Variants in COL18A1 observed in about 807,000 individuals in gnomAD.
COL18A1 encodes the protein collagen type XVIII alpha 1 chain, also known as collagen alpha-1(XVIII) chain.
Under a neutral mutation model 168.0 loss-of-function variants are expected in COL18A1, and 133 were observed. The ratio of observed to expected loss-of-function variants is 0.79; its 90% CI spans 0.69 to 0.91. The LOEUF (loss-of-function observed/expected upper bound fraction) is 0.91, where lower values mean the gene tolerates loss of function less well. Ranked by LOEUF, COL18A1 falls within the 40% of genes least tolerant of loss-of-function variation. The pLI is 0.00. For synonymous variants in COL18A1, 949 were observed against 809.0 expected, an observed-to-expected ratio of 1.17 and a Z score of -2.94; for missense variants, 2,126 against 1,925.4, an observed-to-expected ratio of 1.10 and a Z score of -1.95.
chr21:45,455,920 C>T (rs762210408), intron 2 of COL18A1: 3 of 1,613,106 alleles, frequency 1.9e-6, no homozygotes, highest in African/African-American at 1.3e-5. Context: ...TGTGGAATGA[C>T]ACTGTCCCCA....
At position 45,491,231 on chromosome 21, in the gene COL18A1, C is replaced by G. The variant is rs2036330016; in HGVS notation, c.2074C>G (p.Pro692Ala). The stretch of plus-strand genomic sequence containing the variant: ...GCGTGGCCTCCTCTTCCAGGGAGAT[C>G]CAGGGAAGGACGGAGTCGGGCAGCC... Reference protein sequence around the residue: ...DRGSRGEKGDPGKDGVGQPGL... With the variant: ...DRGSRGEKGDAGKDGVGQPGL... Residue 692 changes from proline (P) to alanine (A), a missense_variant, in exon 22 of 42, where the codon CCA becomes GCA. Coordinates refer to ENST00000651438, the MANE Select transcript of COL18A1 (RefSeq NM_001379500.1). 2 of 1,611,918 alleles carry G rather than the reference C, an allele frequency of 1.2e-6. No homozygotes were observed. The highest frequency in any genetic ancestry group is 1.7e-6 in the Non-Finnish European group (2 of 1,179,274).
intron 2 of COL18A1, among the ~76,000 whole-genome samples, chr21:45,410,381 G>T (rs545621531): frequency 3.3e-5 from 5 of 152,200 alleles, no homozygotes; most frequent in African/African-American, 1.2e-4. Context: ...AGGCTTGCGA[G>T]TGGGCACACG....
In COL18A1 at chr21:45,496,565, C is replaced by A; in HGVS notation, c.2574C>A (p.Ser858Arg). 2 of 1,449,448 alleles carry A rather than the reference C, an allele frequency of 1.4e-6. No homozygotes were observed. Among genetic ancestry groups the A allele is most frequent in the Non-Finnish European group, 1.9e-6 (2 of 1,030,924 alleles). 89.8% of individuals were successfully genotyped at this position (1,449,448 alleles called of 1,614,324 possible). A position where few individuals can be genotyped will look rare whatever the true frequency, so the allele number is the denominator to read the frequency against. The change falls in exon 30 of 42, where the codon AGC becomes AGA. Residue 858 changes from serine (S) to arginine (R), a missense_variant. Physicochemically the swap from Ser to Arg is moderately radical, Grantham distance 110. Coordinates refer to ENST00000651438, the MANE Select transcript of COL18A1 (RefSeq NM_001379500.1). ...CTCCAGGGACTCCTGTTTACGACAG[C>A]AATGTAAGTCCCCAGGGCACCCACT... ...PGPPGTPVYD[S>R]NVFAESSRPG...
At chr21:45,503,674 A>G (rs965792907) in intron 32 of COL18A1, among the ~76,000 whole-genome samples, 18 of 150,534 alleles carry the variant, frequency 1.2e-4, no homozygotes, top group Non-Finnish European at 2.4e-4. Flanking sequence ...ATTGGGAGAT[A>G]TACCTAATGC....
Position 45,482,780 on chromosome 21 carries a change from C to T in COL18A1, c.1675-15C>T. The T allele has an allele frequency of 2.5e-6, 4 of 1,614,226 alleles. No individual in the cohort carries two copies. The highest frequency in any genetic ancestry group is 3.4e-6 in the Non-Finnish European group (4 of 1,180,040). On this transcript the variant is annotated splice_polypyrimidine_tract_variant and intron_variant, in intron 14 of 41. Coordinates refer to ENST00000651438, the MANE Select transcript of COL18A1 (RefSeq NM_001379500.1). ...CAAGTCTGATTTTGTCATAATCCTG[C>T]TCTTTTCCGTACAGGGTGAAGCAGG...
intron 2 of COL18A1, among the ~76,000 whole-genome samples, chr21:45,441,368 G>GAC (rs1451368820): frequency 1.3e-5 from 2 of 152,182 alleles, no homozygotes; most frequent in Non-Finnish European, 2.9e-5. Flanking sequence ...GAAGATGAGG[G>GAC]ACAGCACAGA....
At chr21:45,510,975 A>AACC in intron 40 of COL18A1, 136 bp from the exon 41 acceptor site, 1 of 34,726 alleles carries the variant, frequency 2.9e-5, no homozygotes, top group Non-Finnish European at 5.7e-5. Flanking sequence ...ACCCCCAAAC[A>AACC]CCCCCCACAC....
At chr21:45,490,183 C>T in intron 19 of COL18A1, 92 bp from the exon 20 acceptor site, 2 of 1,070,058 alleles carry the variant, frequency 1.9e-6, no homozygotes, top group South Asian at 1.4e-5. Flanking sequence ...CAGGCCATCG[C>T]CACGTCCACG....
chr21:45,495,961 CATAT>C, intron 29 of COL18A1: 1 of 333,496 alleles, frequency 3.0e-6, no homozygotes, highest in Non-Finnish European at 5.9e-6. Flanking sequence ...TGCACACATA[CATAT>C]ACACATGCAT....
chr21:45,489,548 C>G, intron 19 of COL18A1, 27 bp downstream of exon 19: 1 of 1,546,016 alleles, frequency 6.5e-7, no homozygotes, highest in Middle Eastern at 1.7e-4. Flanking sequence ...GGTTCAGGGA[C>G]GTGGCCAGGC....
At position 45,497,664 on chromosome 21, in the gene COL18A1, G is replaced by T; in HGVS notation, c.2683+3G>T. On this transcript the variant is annotated splice_donor_region_variant and intron_variant, in intron 32 of 41. Transcript: ENST00000651438. ...AGTGGGCCCCCCCGGACCACCAGGT[G>T]AGCAACTCTGGACATCCCAGGCAGG... 1 of 1,564,872 alleles carries T rather than the reference G, an allele frequency of 6.4e-7. No individual in the cohort carries two copies. Among genetic ancestry groups the T allele is most frequent in the East Asian group, 2.4e-5 (1 of 42,044 alleles).
In COL18A1 at chr21:45,431,679, G is replaced by T. The variant is rs183045519; in HGVS notation, c.106+26206G>T. 4.4e-4 allele frequency among the ~76,000 whole-genome samples: 67 copies of T among 152,134 alleles called. 1 individual carries two copies. Among genetic ancestry groups the T allele is most frequent in the Admixed American group, 4.1e-3 (62 of 15,296 alleles). On this transcript the variant is annotated intron_variant, in intron 2 of 41. Transcript: ENST00000651438. Reference sequence around the variant, plus strand: ...CCGGAAAGTGGTGATGTTCTGGAGGGCCCAGCAGACCCCAAGGCCCCCAAG... The same window carrying T: ...CCGGAAAGTGGTGATGTTCTGGAGGTCCCAGCAGACCCCAAGGCCCCCAAG...
At chr21:45,411,556 C>T (rs936317869) in intron 2 of COL18A1, among the ~76,000 whole-genome samples, 1 of 152,128 alleles carries the variant, frequency 6.6e-6, no homozygotes, top group Admixed American at 6.5e-5. Context: ...CTCAGACGCC[C>T]ACAGTCTGGA....
At chr21:45,480,436 G>A in intron 11 of COL18A1, 31 bp from the exon 12 acceptor site, 1 of 1,614,072 alleles carries the variant, frequency 6.2e-7, no homozygotes, top group Non-Finnish European at 8.5e-7. Context: ...CCGAGCTCAG[G>A]GCAACGTGTC....
At chr21:45,493,315 G>A in intron 25 of COL18A1, 90 bp downstream of exon 25, 1 of 1,439,342 alleles carries the variant, frequency 6.9e-7, no homozygotes, top group South Asian at 1.2e-5. Flanking sequence ...GAGGGACCTG[G>A]GACCCCCCGG....
intron 2 of COL18A1, among the ~76,000 whole-genome samples, chr21:45,434,798 G>A (rs1602372928): frequency 6.6e-6 from 1 of 152,236 alleles, no homozygotes; most frequent in African/African-American, 2.4e-5. Context: ...GCAGCCCCCA[G>A]AGCCGGGCTT....
chr21:45,504,408 G>A lies in COL18A1; in HGVS notation c.2728-8G>A, dbSNP rs116618591. On this transcript the variant is annotated splice_region_variant and splice_polypyrimidine_tract_variant and intron_variant, in intron 33 of 41. Transcript: ENST00000651438. Reference sequence around the variant, plus strand: ...GGGCTCCCGTGTAACAAGTGTTTCCGTCCACAGGGGGAGAAGGGAGACCGA... The same window carrying A: ...GGGCTCCCGTGTAACAAGTGTTTCCATCCACAGGGGGAGAAGGGAGACCGA... The A allele has an allele frequency of 0.016, 26,357 of 1,610,564 alleles. 312 individuals carry two copies. Among genetic ancestry groups the A allele is most frequent in the Middle Eastern group, 0.034 (206 of 5,984 alleles).
At chr21:45,455,404 G>T in intron 2 of COL18A1, 12 of 1,360,962 alleles carry the variant, frequency 8.8e-6, no homozygotes, top group Admixed American at 1.8e-5. Flanking sequence ...AGAGTGGGGG[G>T]TGGAAGACAG....
chr21:45,420,729 G>A (rs1381241719), intron 2 of COL18A1: 3 of 152,502 alleles, frequency 2.0e-5, no homozygotes, highest in African/African-American at 7.2e-5. Flanking sequence ...CTGGAGGTGT[G>A]GCATGTGCAG....
Sources: allele counts gnomAD v4.1 joint callset (sites outside exome capture counted in the v4.1 genomes callset), GRCh38; gene constraint gnomAD v4.1.1; transcripts MANE v1.5; gene names NCBI Gene and HGNC (gene_info 2026-07-23, HGNC 2026-07-21).